PCDHA6: variants seen among roughly 807,000 people sequenced by gnomAD.
The protein encoded by PCDHA6 is protocadherin alpha 6, also known as protocadherin alpha-6.
In PCDHA6, 55 loss-of-function variants were observed where a neutral mutation model predicts 60.3. The observed-to-expected ratio is 0.91, with a 90% confidence interval of 0.73 to 1.14. The LOEUF (loss-of-function observed/expected upper bound fraction) is 1.14, where lower values mean the gene tolerates loss of function less well. Among genes scored for constraint, PCDHA6 ranks in the 50% most tolerant of loss-of-function variants. The pLI is 0.00. For missense variants in PCDHA6, 1,327 were observed against 1,256.5 expected, an observed-to-expected ratio of 1.06 and a Z score of -0.85; for synonymous variants, 652 against 557.9, an observed-to-expected ratio of 1.17 and a Z score of -2.38.
chr5:140,988,739 G>A (rs2097310931), intron 3 of PCDHA6, among the ~76,000 whole-genome samples: 1 of 152,096 alleles, frequency 6.6e-6, no homozygotes, highest in Non-Finnish European at 1.5e-5. Flanking sequence ...AATTATTCTA[G>A]GATTGGTGGC....
chr5:140,892,212 T>C (rs1554185117), intron 1 of PCDHA6, among the ~76,000 whole-genome samples: 5 of 152,236 alleles, frequency 3.3e-5, no homozygotes, highest in Admixed American at 2.6e-4. Context: ...TTTAAAATTG[T>C]ATCTTTATGG....
rs538024116 is a variant in PCDHA6 at position 140,945,235 on chromosome 5, T to C, written c.2395-33714T>C. Among the ~76,000 whole-genome samples the C allele has an allele frequency of 1.1e-4, 17 of 152,128 alleles. No homozygotes were observed. In the South Asian group the frequency reaches 3.5e-3, roughly 32 times the overall value. On this transcript the variant is annotated intron_variant, in intron 1 of 3. Coordinates refer to ENST00000529310, the MANE Select transcript of PCDHA6 (RefSeq NM_018909.4). ...GAAAATAAAAATACTTAGGAATAAA[T>C]TTAACCAAGAGGATGAAAGACCTGC...
intron 1 of PCDHA6, chr5:140,835,532 A>G (rs2150237732): frequency 2.1e-5 from 34 of 1,613,822 alleles, no homozygotes; most frequent in Admixed American, 3.3e-5. Context: ...GAGTCAACGG[A>G]CAGGTTACCT....
chr5:140,987,034 C>T (rs782321957), intron 3 of PCDHA6, among the ~76,000 whole-genome samples: 12 of 151,770 alleles, frequency 7.9e-5, no homozygotes, highest in Non-Finnish European at 1.6e-4. Context: ...GTCAACATGG[C>T]GAAACCCCAT....
chr5:140,899,981 G>T (rs929559514), intron 1 of PCDHA6, among the ~76,000 whole-genome samples: 3 of 151,734 alleles, frequency 2.0e-5, no homozygotes, highest in African/African-American at 7.3e-5. Flanking sequence ...CTACTTTTTT[G>T]ATTTTTTTTG....
intron 1 of PCDHA6, among the ~76,000 whole-genome samples, chr5:140,919,088 T>C (rs2153552205): frequency 6.6e-6 from 1 of 152,378 alleles, no homozygotes; most frequent in South Asian, 2.1e-4. Context: ...TATTGAATTG[T>C]CTATTTCTCC....
intron 1 of PCDHA6, chr5:140,834,106 C>T (rs1156396918): frequency 1.8e-5 from 7 of 396,312 alleles, no homozygotes; most frequent in Non-Finnish European, 3.1e-5. Flanking sequence ...GAAAAAAATT[C>T]AGAGTTTGAA....
At chr5:140,906,097 T>G (rs1396034135) in intron 1 of PCDHA6, among the ~76,000 whole-genome samples, 1 of 152,144 alleles carries the variant, frequency 6.6e-6, no homozygotes, top group Non-Finnish European at 1.5e-5. Context: ...AGAGTAAGTG[T>G]GTCTTTCCCA....
At chr5:140,874,058 T>C (rs1454224127) in intron 1 of PCDHA6, among the ~76,000 whole-genome samples, 1 of 152,234 alleles carries the variant, frequency 6.6e-6, no homozygotes, top group African/African-American at 2.4e-5. Context: ...TTAGACAATT[T>C]AAATAATTAG....
At chr5:140,999,051 C>T (rs972072595) in intron 3 of PCDHA6, among the ~76,000 whole-genome samples, 6 of 152,196 alleles carry the variant, frequency 3.9e-5, no homozygotes, top group African/African-American at 9.7e-5. Flanking sequence ...TGCTTTCCAC[C>T]ATGCCTAAGT....
chr5:140,863,854 A>T (rs984993232), intron 1 of PCDHA6: 2 of 177,552 alleles, frequency 1.1e-5, no homozygotes, highest in Admixed American at 1.1e-4. Context: ...TAAAAAAATT[A>T]GCTGGGTGTG....
Position 140,895,072 on chromosome 5 carries a change from A to C in PCDHA6, c.2394+64587A>C, listed in dbSNP as rs974661383. On this transcript the variant is annotated intron_variant, in intron 1 of 3. Coordinates refer to ENST00000529310, the MANE Select transcript of PCDHA6 (RefSeq NM_018909.4). ...TCTGCTTCATATGGACTCAATTCCT[A>C]TCAGTTCCTCCTCAGTATAGGGGTT... 2.6e-5 allele frequency among the ~76,000 whole-genome samples: 4 copies of C among 152,208 alleles called. No homozygotes were observed. In the South Asian group the frequency reaches 6.2e-4, roughly 24 times the overall value.
At chr5:140,982,364 T>A in intron 2 of PCDHA6, 111 bp from the exon 3 acceptor site, 1 of 1,534,660 alleles carries the variant, frequency 6.5e-7, no homozygotes, top group Non-Finnish European at 8.8e-7. Flanking sequence ...ATGAGCAGAA[T>A]GTGTTAGCTG....
In PCDHA6 at chr5:140,969,463, C is replaced by G. The variant is rs549074334; in HGVS notation, c.2395-9486C>G. ...CTGGTAAACTGAGTATATATAGTAT[C>G]CACAATTTGATCATAATCTGCTATT... On this transcript the variant is annotated intron_variant, in intron 1 of 3. Coordinates refer to ENST00000529310, the MANE Select transcript of PCDHA6 (RefSeq NM_018909.4). 74 of 1,491,016 alleles carry G rather than the reference C, an allele frequency of 5.0e-5. No homozygotes were observed. In the South Asian group the frequency reaches 6.0e-4, roughly 12 times the overall value. The allele number at this position is 1,491,016 out of a possible 1,614,324, so 92.4% of individuals were successfully genotyped here.
In PCDHA6 at chr5:140,842,705, G is replaced by C. The variant is rs2150342552; in HGVS notation, c.2394+12220G>C. 4 of 1,595,328 alleles carry C rather than the reference G, an allele frequency of 2.5e-6. No homozygotes were observed. The African/African-American group carries it at 4.0e-5, about 16-fold the overall frequency. On this transcript the variant is annotated intron_variant, in intron 1 of 3. Coordinates refer to ENST00000529310, the MANE Select transcript of PCDHA6 (RefSeq NM_018909.4). ...GGCGTTCGCGCAGCCCGAGTACACG[G>C]TGTTCGTGAAGGAGAACAACCCGCC... is the stretch of plus-strand genomic sequence containing the variant.
intron 1 of PCDHA6, among the ~76,000 whole-genome samples, chr5:140,837,527 T>C (rs925860882): frequency 1.3e-5 from 2 of 151,856 alleles, no homozygotes; most frequent in African/African-American, 2.4e-5. Flanking sequence ...TTTTTTTGTA[T>C]ATTCCCAAGA....
intron 1 of PCDHA6, among the ~76,000 whole-genome samples, chr5:140,900,220 A>G (rs2067832167): frequency 6.6e-6 from 1 of 152,132 alleles, no homozygotes; most frequent in South Asian, 2.1e-4. Context: ...GTTGTTGCAA[A>G]TGACTGGATC....
At chr5:140,837,875 A>C (rs2150280386) in intron 1 of PCDHA6, among the ~76,000 whole-genome samples, 2,117 of 151,504 alleles carry the variant, frequency 0.014, 49 homozygotes, top group African/African-American at 0.049. Flanking sequence ...GACAGGGTGG[A>C]GTCTTGTTTC....
intron 1 of PCDHA6, among the ~76,000 whole-genome samples, chr5:140,942,409 TAAA>T (rs78736997): frequency 7.0e-6 from 1 of 143,620 alleles, no homozygotes; most frequent in Non-Finnish European, 1.5e-5. Context: ...AGACTCTGTT[TAAA>T]AAAAAAAAAG....
Sources: gnomAD v4.1 joint callset for allele counts (sites outside exome capture counted in the v4.1 genomes callset) on GRCh38, gnomAD v4.1.1 for gene constraint, MANE v1.5 for transcripts, NCBI Gene and HGNC (gene_info 2026-07-23, HGNC 2026-07-21) for gene names.